Variants in SEL1L2 observed in about 807,000 individuals in gnomAD.
SEL1L2 encodes the protein protein sel-1 homolog 2.
SEL1L2 carries 89 observed loss-of-function variants against 98.8 expected under a neutral mutation model. That is an observed-to-expected ratio of 0.90 (90% CI 0.76 to 1.07). The LOEUF is 1.07. SEL1L2 is among the 50% of genes least tolerant of loss of function. The pLI, the probability that SEL1L2 is intolerant of heterozygous loss-of-function variation, is 0.00. For synonymous variants in SEL1L2, 262 were observed against 278.5 expected (o/e 0.94, Z 0.59); for missense variants, 788 against 812.0 (o/e 0.97, Z 0.36).
chr20:13,849,700 TC>T, intron 19 of SEL1L2, 96 bp from the exon 20 acceptor site: 2 of 1,380,452 alleles, frequency 1.4e-6, no homozygotes, highest in Non-Finnish European at 2.0e-6. Context: ...CCAACCCTCC[TC>T]CCACCCATTC....
At chr20:13,980,581 T>C (rs111993463) in intron 1 of SEL1L2, among the ~76,000 whole-genome samples, 21 of 152,232 alleles carry the variant, frequency 1.4e-4, no homozygotes, top group African/African-American at 5.1e-4. Flanking sequence ...ACAACATAGA[T>C]AGAGATTCTT....
intron 1 of SEL1L2, among the ~76,000 whole-genome samples, chr20:13,965,854 G>A (rs1261630104): frequency 6.6e-6 from 1 of 151,778 alleles, no homozygotes. Context: ...TCGGGAGGCT[G>A]AGGCAGGAGA....
intron 1 of SEL1L2, among the ~76,000 whole-genome samples, chr20:13,987,473 G>A (rs990317790): frequency 1.3e-5 from 2 of 151,930 alleles, no homozygotes; most frequent in African/African-American, 2.4e-5. Context: ...AGCCTCCTGA[G>A]TAGCTGGGAC....
chr20:13,895,100 C>T (rs1372001005), intron 5 of SEL1L2, among the ~76,000 whole-genome samples: 3 of 152,238 alleles, frequency 2.0e-5, no homozygotes, highest in Non-Finnish European at 1.5e-5. Context: ...GGATTATACA[C>T]CATAACCAAG....
intron 1 of SEL1L2, among the ~76,000 whole-genome samples, chr20:13,974,743 C>G (rs2051457496): frequency 6.6e-6 from 1 of 152,128 alleles, no homozygotes; most frequent in Non-Finnish European, 1.5e-5. Flanking sequence ...GCTGGGATTA[C>G]CGGCATGAGC....
At chr20:13,939,309 C>G (rs1288247650) in intron 2 of SEL1L2, among the ~76,000 whole-genome samples, 1 of 152,030 alleles carries the variant, frequency 6.6e-6, no homozygotes, top group Non-Finnish European at 1.5e-5. Flanking sequence ...TCCCAAAACG[C>G]TGGGATTACA....
intron 3 of SEL1L2, among the ~76,000 whole-genome samples, chr20:13,931,229 A>G (rs1251558171): frequency 6.6e-6 from 1 of 151,750 alleles, no homozygotes; most frequent in Non-Finnish European, 1.5e-5. Flanking sequence ...TTTTTAGTAG[A>G]GACGGGGTTT....
chr20:13,962,294 GTTT>G (rs1157437521), intron 1 of SEL1L2, among the ~76,000 whole-genome samples: 8 of 152,208 alleles, frequency 5.3e-5, no homozygotes, highest in African/African-American at 1.9e-4. Context: ...CTGGGCTGCC[GTTT>G]TGACTTTCTT....
intron 5 of SEL1L2, among the ~76,000 whole-genome samples, chr20:13,907,742 C>CTTTCTTTCTTTCTTTCTTTCT (rs1555880158): frequency 7.2e-5 from 6 of 83,598 alleles, no homozygotes; most frequent in African/African-American, 1.4e-4. Flanking sequence ...TTCTTTCTTT[C>CTTTCTTTCTTTCTTTCTTTCT]TTTCTTTTCT....
chr20:13,990,624 G>T, upstream of SEL1L2: 1 of 969,798 alleles, frequency 1.0e-6, no homozygotes, highest in South Asian at 1.4e-5. Context: ...TGTGGTGGGG[G>T]CAGGAGTCAG....
rs1159095296 is a variant in SEL1L2, at chr20:13,865,210, C to T, written c.1602G>A (p.Met534Ile). The T allele has an allele frequency of 3.7e-6, 6 of 1,613,626 alleles. No homozygotes were observed. The East Asian group carries it at 6.7e-5, about 18-fold the overall frequency. ...TCCATAGGAGAAGCGCCATTGGATA[C>T]ATCTTCTCTTTTTCAAGAATGTTAG... ...KKANILEKEK[M>I]YPMALLLWNR... is the part of the protein sequence containing the mutation. Residue 534 changes from methionine to isoleucine, a missense_variant, in exon 17 of 20, where the codon ATG (methionine) becomes ATA (isoleucine). Coordinates refer to ENST00000284951, the MANE Select transcript of SEL1L2 (RefSeq NM_025229.2).
At chr20:13,871,147 C>T (rs1223623268) in intron 12 of SEL1L2, among the ~76,000 whole-genome samples, 2 of 151,992 alleles carry the variant, frequency 1.3e-5, no homozygotes, top group Admixed American at 6.6e-5. Flanking sequence ...CGTAAATGGC[C>T]TAATCACATT....
intron 10 of SEL1L2, among the ~76,000 whole-genome samples, chr20:13,883,014 G>C (rs2046786517): frequency 6.6e-6 from 1 of 151,958 alleles, no homozygotes; most frequent in Admixed American, 6.5e-5. Context: ...TAGAGACGGG[G>C]TTTCACCGTT....
At chr20:13,993,497 G>A (rs1247982368), upstream of SEL1L2, among the ~76,000 whole-genome samples, 4 of 152,142 alleles carry the variant, frequency 2.6e-5, no homozygotes, top group Admixed American at 2.6e-4. Context: ...ACTAAATGCT[G>A]GAACAAATGC....
intron 3 of SEL1L2, among the ~76,000 whole-genome samples, chr20:13,928,589 C>A (rs1291158041): frequency 6.6e-6 from 1 of 152,186 alleles, no homozygotes; most frequent in Non-Finnish European, 1.5e-5. Flanking sequence ...TGGTGTATTA[C>A]TGCGGGCCCT....
At chr20:13,905,535 C>T (rs567166401) in intron 5 of SEL1L2, among the ~76,000 whole-genome samples, 43 of 152,118 alleles carry the variant, frequency 2.8e-4, no homozygotes, top group African/African-American at 9.9e-4. Flanking sequence ...AGAATGGTCT[C>T]GATCTCCTGA....
chr20:13,865,610 G>C (rs1990877714), intron 15 of SEL1L2, 96 bp from the exon 16 acceptor site: 2 of 1,069,064 alleles, frequency 1.9e-6, no homozygotes, highest in African/African-American at 1.6e-5. Flanking sequence ...CCTACCAGCT[G>C]GTCAGGGAAG....
At chr20:13,888,560 T>A in intron 5 of SEL1L2, 48 bp from the exon 6 acceptor site, 8 of 978,172 alleles carry the variant, frequency 8.2e-6, no homozygotes, top group Non-Finnish European at 1.3e-5. Context: ...ATTTATTTCC[T>A]AATTATCTAT....
chr20:13,875,978 T>G, intron 12 of SEL1L2, 60 bp downstream of exon 12: 1 of 1,294,454 alleles, frequency 7.7e-7, no homozygotes, highest in South Asian at 1.2e-5. Context: ...TTGGCACCAG[T>G]CTGCGTGTAA....
Sources: gnomAD v4.1 joint callset for allele counts (sites outside exome capture counted in the v4.1 genomes callset) on GRCh38, gnomAD v4.1.1 for gene constraint, MANE v1.5 for transcripts, NCBI Gene and HGNC (gene_info 2026-07-23, HGNC 2026-07-21) for gene names.